SMYD3: variants seen among roughly 807,000 people sequenced by gnomAD.
SMYD3 encodes histone-lysine N-methyltransferase SMYD3.
Under a neutral mutation model 57.7 loss-of-function variants are expected in SMYD3, and 36 were observed. The ratio of observed to expected loss-of-function variants is 0.62; its 90% confidence interval spans 0.48 to 0.82. The LOEUF is 0.82. Among genes scored for constraint, SMYD3 ranks in the 40% least tolerant of loss-of-function variants. SMYD3 has a pLI of 0.00. For missense variants in SMYD3, 515 were observed against 538.8 expected, an observed-to-expected ratio of 0.96 and a Z score of 0.44; for synonymous variants, 211 against 195.0, an observed-to-expected ratio of 1.08 and a Z score of -0.68.
chr1:246,442,783 G>C (rs944748261), intron 1 of SMYD3, among the ~76,000 whole-genome samples: 1 of 152,210 alleles, frequency 6.6e-6, no homozygotes, highest in African/African-American at 2.4e-5. Flanking sequence ...CACTGGTACT[G>C]CTTCCTCAAA....
intron 5 of SMYD3, among the ~76,000 whole-genome samples, chr1:246,255,328 AATT>A (rs1037976869): frequency 6.7e-5 from 10 of 149,508 alleles, no homozygotes; most frequent in South Asian, 6.4e-4. Context: ...TTATAATAAT[AATT>A]ATTATTATTA....
At chr1:246,081,444 G>A (rs1475587743) in intron 5 of SMYD3, among the ~76,000 whole-genome samples, 1 of 151,900 alleles carries the variant, frequency 6.6e-6, no homozygotes, top group East Asian at 1.9e-4. Context: ...CCATACTGGA[G>A]TGCAGTGGTG....
chr1:245,936,033 G>T (rs2056965571), intron 5 of SMYD3, among the ~76,000 whole-genome samples: 1 of 152,076 alleles, frequency 6.6e-6, no homozygotes, highest in Admixed American at 6.6e-5. Flanking sequence ...AATTTCAAAT[G>T]CCTCACCGTA....
chr1:246,473,174 T>C (rs1300339713), intron 1 of SMYD3, among the ~76,000 whole-genome samples: 3 of 152,136 alleles, frequency 2.0e-5, no homozygotes, highest in African/African-American at 7.2e-5. Flanking sequence ...TCTTTTTCAT[T>C]CCCTCATTTG....
intron 10 of SMYD3, among the ~76,000 whole-genome samples, chr1:245,798,390 G>GCACACACACACACCA (rs1558351246): frequency 1.8e-5 from 1 of 55,420 alleles, no homozygotes; most frequent in Admixed American, 1.7e-4. Context: ...ACACACACGC[G>GCACACACACACACCA]CACACACACA....
At chr1:245,795,295 C>T (rs1476615930) in intron 10 of SMYD3, among the ~76,000 whole-genome samples, 1 of 152,208 alleles carries the variant, frequency 6.6e-6, no homozygotes, top group Non-Finnish European at 1.5e-5. Context: ...GACCATCATT[C>T]CAGGCATAGG....
chr1:246,012,134 A>G (rs1432789170), intron 5 of SMYD3, among the ~76,000 whole-genome samples: 1 of 152,202 alleles, frequency 6.6e-6, no homozygotes, highest in Non-Finnish European at 1.5e-5. Flanking sequence ...TTCATCCACC[A>G]TTAGCATAAG....
intron 10 of SMYD3, among the ~76,000 whole-genome samples, chr1:245,775,724 A>AT (rs1553318603): frequency 0.062 from 8,912 of 143,640 alleles, 842 homozygotes; most frequent in African/African-American, 0.22. Context: ...CTAAAAAAAA[A>AT]AAAAAATAAA....
chr1:246,029,554 C>A (rs866051232), intron 5 of SMYD3, among the ~76,000 whole-genome samples: 4 of 151,846 alleles, frequency 2.6e-5, no homozygotes, highest in Middle Eastern at 3.4e-3. Flanking sequence ...CGCCTGTAAT[C>A]CCAGCTACCC....
intron 5 of SMYD3, among the ~76,000 whole-genome samples, chr1:246,162,179 G>A (rs1240309883): frequency 1.3e-5 from 2 of 152,268 alleles, no homozygotes; most frequent in Non-Finnish European, 2.9e-5. Flanking sequence ...ATGCTATCCC[G>A]CAATGACCAC....
At chr1:246,304,320 A>G (rs1055793796) in intron 5 of SMYD3, among the ~76,000 whole-genome samples, 14 of 152,220 alleles carry the variant, frequency 9.2e-5, no homozygotes, top group African/African-American at 3.1e-4. Context: ...ACTTGAAGTC[A>G]TTCCCATGGA....
chr1:246,295,005 A>G (rs1320076827), intron 5 of SMYD3, among the ~76,000 whole-genome samples: 3 of 152,176 alleles, frequency 2.0e-5, no homozygotes, highest in Non-Finnish European at 4.4e-5. Context: ...TAAATCTAAT[A>G]TGTTGCATAT....
intron 5 of SMYD3, among the ~76,000 whole-genome samples, chr1:246,136,944 T>C (rs1572089481): frequency 6.6e-6 from 1 of 152,232 alleles, no homozygotes; most frequent in African/African-American, 2.4e-5. Flanking sequence ...GGAAAGTTTT[T>C]AACTCTATTA....
intron 5 of SMYD3, among the ~76,000 whole-genome samples, chr1:245,993,619 TAGATAGATAGATAGACAGACAGACAGAC>T (rs2058857542): frequency 1.2e-5 from 1 of 82,442 alleles, no homozygotes; most frequent in African/African-American, 3.6e-5. Flanking sequence ...GATAGATAGA[TAGATAGATAGATAGACAGACAGACAGAC>T]AGACAGACAG....
chr1:246,108,355 T>C (rs1444091561), intron 5 of SMYD3, among the ~76,000 whole-genome samples: 1 of 152,208 alleles, frequency 6.6e-6, no homozygotes, highest in African/African-American at 2.4e-5. Flanking sequence ...GGTTACGCTA[T>C]GAATACAGGT....
At chr1:246,458,438 CTTTTTTTTTTTTTTTTT>C (rs35956400) in intron 1 of SMYD3, among the ~76,000 whole-genome samples, 2 of 62,058 alleles carry the variant, frequency 3.2e-5, no homozygotes, top group African/African-American at 5.5e-5. Flanking sequence ...AAAAGTCATT[CTTTTTTTTTTTTTTTTT>C]TTTTTTTTTG....
intron 1 of SMYD3, among the ~76,000 whole-genome samples, chr1:246,398,095 G>A (rs1051089025): frequency 4.6e-5 from 7 of 152,174 alleles, no homozygotes; most frequent in African/African-American, 1.2e-4. Context: ...CAATAGAGAC[G>A]TCATCTGTAG....
chr1:246,124,071 C>G (rs1327540764), intron 5 of SMYD3, among the ~76,000 whole-genome samples: 2 of 152,230 alleles, frequency 1.3e-5, no homozygotes. Context: ...ACTGCCAATG[C>G]TTAAACCATA....
chr1:246,039,931 T>C lies in SMYD3; in HGVS notation c.532-109994A>G, dbSNP rs539628300. ...GAAGAAGAGTGGCTAAGCCCAAGCT[T>C]ATTTCAAGTACTAGAAAAGTAACAA... On this transcript the variant is annotated intron_variant, in intron 5 of 11. Coordinates refer to ENST00000490107, the MANE Select transcript of SMYD3 (RefSeq NM_001167740.2). Among the ~76,000 whole-genome samples the C allele has an allele frequency of 2.6e-5, 4 of 152,340 alleles. No homozygotes were observed. In the South Asian group the frequency reaches 8.3e-4, roughly 32 times the overall value.
Sources: allele counts gnomAD v4.1 joint callset (sites outside exome capture counted in the v4.1 genomes callset), GRCh38; gene constraint gnomAD v4.1.1; transcripts MANE v1.5; gene names NCBI Gene and HGNC (gene_info 2026-07-23, HGNC 2026-07-21).